The following ZNRF2 variants were observed in gnomAD, a reference collection of about 807,000 sequenced individuals.
The protein encoded by ZNRF2 is E3 ubiquitin-protein ligase ZNRF2.
A neutral mutation model predicts 20.4 loss-of-function variants in ZNRF2; 16 were observed. That is an observed-to-expected ratio of 0.79 (90% CI 0.53 to 1.19). The LOEUF is 1.19. ZNRF2 is among the 50% of genes most tolerant of loss of function. The pLI, the probability that ZNRF2 is intolerant of heterozygous loss-of-function variation, is 0.00. For synonymous variants in ZNRF2, 178 were observed against 144.9 expected (o/e 1.23, Z -1.64); for missense variants, 363 against 332.4 (o/e 1.09, Z -0.72).
chr7:30,299,644 C>T (rs751629705), intron 1 of ZNRF2, among the ~76,000 whole-genome samples: 10 of 151,946 alleles, frequency 6.6e-5, no homozygotes, highest in South Asian at 2.1e-4. Context: ...ATTTTTTATA[C>T]GTATACTTCT....
intron 2 of ZNRF2, among the ~76,000 whole-genome samples, chr7:30,332,612 A>G (rs1298039151): frequency 1.3e-5 from 2 of 152,188 alleles, no homozygotes; most frequent in East Asian, 3.8e-4. Flanking sequence ...TTTATAAGTG[A>G]GAACATGGCT....
chr7:30,309,047 A>G (rs890237557), intron 1 of ZNRF2, among the ~76,000 whole-genome samples: 10 of 152,166 alleles, frequency 6.6e-5, no homozygotes, highest in Non-Finnish European at 1.2e-4. Flanking sequence ...ACTCCTGTAT[A>G]AATAAATTCA....
chr7:30,326,739 T>A (rs554804755), intron 2 of ZNRF2, among the ~76,000 whole-genome samples: 87 of 152,310 alleles, frequency 5.7e-4, no homozygotes, highest in African/African-American at 2.0e-3. Context: ...TTGAACTAAT[T>A]TACACTCCCA....
At chr7:30,343,569 A>G (rs1158076894) in intron 2 of ZNRF2, among the ~76,000 whole-genome samples, 1 of 151,958 alleles carries the variant, frequency 6.6e-6, no homozygotes, top group Non-Finnish European at 1.5e-5. Flanking sequence ...TGCAAATTGC[A>G]TTTTTTAATA....
At chr7:30,330,049 T>G (rs1305433573) in intron 2 of ZNRF2, among the ~76,000 whole-genome samples, 1 of 152,222 alleles carries the variant, frequency 6.6e-6, no homozygotes, top group Non-Finnish European at 1.5e-5. Context: ...AAATTCTTAG[T>G]CTTGATTGTA....
Position 30,355,782 on chromosome 7 carries a change from A to C in ZNRF2, c.620A>C (p.Gln207Pro). 6.2e-7 allele frequency: 1 copy of C among 1,613,688 alleles called. No homozygotes were observed. Among genetic ancestry groups the C allele is most frequent in the Non-Finnish European group, 8.5e-7 (1 of 1,179,726 alleles). The change falls in exon 3 of 5, where the codon CAG (glutamine) becomes CCG (proline). Residue 207 changes from glutamine (Q) to proline (P), a missense_variant. This residue lies in a region of ZNRF2 where 61 missense variants were observed against 100.9 expected (regional missense o/e 0.60). Coordinates refer to ENST00000323037, the MANE Select transcript of ZNRF2 (RefSeq NM_147128.4). ...GECAICLEEL[Q>P]QGDTIARLPC... is the part of the protein sequence containing the mutation. Reference sequence around the variant, plus strand: ...TGTGCAATATGCCTTGAAGAATTGCAGCAGGGAGATACTATAGCACGACTG... The same window carrying C: ...TGTGCAATATGCCTTGAAGAATTGCCGCAGGGAGATACTATAGCACGACTG...
intron 2 of ZNRF2, among the ~76,000 whole-genome samples, chr7:30,325,163 A>G (rs1799533719): frequency 6.6e-6 from 1 of 152,216 alleles, no homozygotes; most frequent in Non-Finnish European, 1.5e-5. Flanking sequence ...GTCCTAACCA[A>G]TGAATAGAAT....
intron 3 of ZNRF2, among the ~76,000 whole-genome samples, chr7:30,360,905 A>G (rs965341715): frequency 2.0e-5 from 3 of 152,212 alleles, no homozygotes; most frequent in Non-Finnish European, 2.9e-5. Flanking sequence ...AATGAAAAAT[A>G]CCAAATTGAG....
At chr7:30,318,558 C>T (rs964014561) in intron 1 of ZNRF2, among the ~76,000 whole-genome samples, 2 of 152,116 alleles carry the variant, frequency 1.3e-5, no homozygotes, top group African/African-American at 4.8e-5. Context: ...CTGTATTTTT[C>T]CTGCCAATTG....
intron 1 of ZNRF2, among the ~76,000 whole-genome samples, chr7:30,292,066 T>A (rs1186564563): frequency 6.6e-6 from 1 of 152,370 alleles, no homozygotes; most frequent in Admixed American, 6.5e-5. Flanking sequence ...ATGTCTTTTA[T>A]ATATGTATTT....
intron 1 of ZNRF2, among the ~76,000 whole-genome samples, chr7:30,317,798 G>A (rs970012686): frequency 6.6e-6 from 1 of 152,298 alleles, no homozygotes. Flanking sequence ...CAGAGAGAGT[G>A]TAGGTTCCTT....
At chr7:30,299,708 G>T (rs1339693102) in intron 1 of ZNRF2, among the ~76,000 whole-genome samples, 3 of 150,068 alleles carry the variant, frequency 2.0e-5, no homozygotes, top group South Asian at 2.1e-4. Flanking sequence ...GTTTCATTTT[G>T]TATGTGATTT....
At position 30,301,718 on chromosome 7, in the gene ZNRF2, A is replaced by C. The variant is rs993290384; in HGVS notation, c.469+15892A>C. Among the ~76,000 whole-genome samples, 8 of 151,384 alleles carry C rather than the reference A, an allele frequency of 5.3e-5. No homozygotes were observed. The East Asian group carries it at 6.0e-4, about 11-fold the overall frequency. The stretch of plus-strand genomic sequence containing the variant: ...CTTTTTTTAAAAAAAAAAAAAAAAA[A>C]AAAAACTTATCTTTGTCTTAGATTT... On this transcript the variant is annotated intron_variant, in intron 1 of 4. Coordinates refer to ENST00000323037, the MANE Select transcript of ZNRF2 (RefSeq NM_147128.4).
At chr7:30,327,605 A>C (rs12056300) in intron 2 of ZNRF2, among the ~76,000 whole-genome samples, 4,581 of 152,210 alleles carry the variant, frequency 0.03, 169 homozygotes, top group African/African-American at 0.089. Context: ...ATTTCAATCT[A>C]GAAATTAATA....
intron 1 of ZNRF2, chr7:30,289,716 T>C: frequency 1.9e-6 from 1 of 515,554 alleles, no homozygotes; most frequent in Non-Finnish European, 4.0e-6. Context: ...TATTCTTGAC[T>C]GCAAGGTGGG....
intron 2 of ZNRF2, among the ~76,000 whole-genome samples, chr7:30,339,793 C>G (rs1029037648): frequency 5.3e-5 from 8 of 152,086 alleles, no homozygotes; most frequent in African/African-American, 1.9e-4. Context: ...TTGTCTAATT[C>G]TGTGAAGAAA....
chr7:30,298,580 T>C (rs777487961), intron 1 of ZNRF2, among the ~76,000 whole-genome samples: 36 of 152,240 alleles, frequency 2.4e-4, no homozygotes, highest in Non-Finnish European at 1.8e-4. Context: ...AGAAGAAGAT[T>C]GAGAGTCTTA....
intron 1 of ZNRF2, among the ~76,000 whole-genome samples, chr7:30,306,016 A>G (rs1799197690): frequency 6.6e-6 from 1 of 152,160 alleles, no homozygotes; most frequent in African/African-American, 2.4e-5. Flanking sequence ...GCTTTGGCCC[A>G]GTCATCTAAA....
intron 1 of ZNRF2, among the ~76,000 whole-genome samples, chr7:30,319,844 T>G (rs1799439388): frequency 6.6e-6 from 1 of 152,246 alleles, no homozygotes; most frequent in Non-Finnish European, 1.5e-5. Context: ...ACTCTCTTCA[T>G]CACAGTCTCT....
Sources: allele counts gnomAD v4.1 joint callset (sites outside exome capture counted in the v4.1 genomes callset), GRCh38; gene constraint gnomAD v4.1.1; regional missense constraint gnomAD v4.1.1; transcripts MANE v1.5; gene names NCBI Gene and HGNC (gene_info 2026-07-23, HGNC 2026-07-21).